MARK2: variants seen among roughly 807,000 people sequenced by gnomAD.
The protein encoded by MARK2 is microtubule affinity regulating kinase 2.
Under a neutral mutation model 89.8 loss-of-function variants are expected in MARK2, and 16 were observed. That is an observed-to-expected ratio of 0.18 (90% CI 0.12 to 0.27). The LOEUF (loss-of-function observed/expected upper bound fraction) is 0.27, where lower values mean the gene tolerates loss of function less well. MARK2 is among the 10% of genes least tolerant of loss of function. The pLI, the probability that MARK2 is intolerant of heterozygous loss-of-function variation, is 1.00. For synonymous variants in MARK2, 382 were observed against 399.5 expected, an observed-to-expected ratio of 0.96 and a Z score of 0.52; for missense variants, 621 against 1,049.9, an observed-to-expected ratio of 0.59 and a Z score of 5.65.
At chr11:63,862,650 C>T (rs1937871583) in intron 1 of MARK2, among the ~76,000 whole-genome samples, 2 of 152,168 alleles carry the variant, frequency 1.3e-5, no homozygotes, top group South Asian at 4.1e-4. Context: ...TCTTTAACCC[C>T]AGCTTCTGAT....
In MARK2 at chr11:63,909,258, C is replaced by T. The variant is rs372628143; in HGVS notation, c.*21C>T. 9.0e-6 allele frequency: 14 copies of T among 1,557,054 alleles called. No homozygotes were observed. The highest frequency in any genetic ancestry group is 1.2e-5 in the South Asian group (1 of 85,666). Reference sequence around the variant, plus strand: ...TTTAACAGGCTGCCAGGAGCGGGGGCGGCGGGGGCGGGCCAGCTGGACGGG... The same window carrying T: ...TTTAACAGGCTGCCAGGAGCGGGGGTGGCGGGGGCGGGCCAGCTGGACGGG... On this transcript the variant is annotated 3_prime_UTR_variant, in exon 19 of 19. Coordinates refer to ENST00000402010, the MANE Select transcript of MARK2 (RefSeq NM_001039469.3).
At position 63,909,354 on chromosome 11, in the gene MARK2, C is replaced by G. The variant is rs1941602488; in HGVS notation, c.*117C>G. 1 of 1,090,304 alleles carries G rather than the reference C, an allele frequency of 9.2e-7. No homozygotes were observed. Among genetic ancestry groups the G allele is most frequent in the Admixed American group, 3.2e-5 (1 of 31,316 alleles). The allele number at this position is 1,090,304 out of a possible 1,614,324, so 67.5% of individuals were successfully genotyped here. On this transcript the variant is annotated 3_prime_UTR_variant, in exon 19 of 19. Coordinates refer to ENST00000402010, the MANE Select transcript of MARK2 (RefSeq NM_001039469.3). The stretch of plus-strand genomic sequence containing the variant: ...GATTGGTGTGTCTCCCCTGCTGGCA[C>G]TTCTCCCCTCCCTGGCCCTTCTCAG...
chr11:63,866,578 C>T (rs1938143135), intron 1 of MARK2, among the ~76,000 whole-genome samples: 1 of 152,188 alleles, frequency 6.6e-6, no homozygotes, highest in Non-Finnish European at 1.5e-5. Context: ...CCCAGTTTCA[C>T]ATTCAGAATG....
chr11:63,840,256 C>T (rs973423126), intron 1 of MARK2, among the ~76,000 whole-genome samples: 6 of 152,172 alleles, frequency 3.9e-5, no homozygotes, highest in Non-Finnish European at 5.9e-5. Flanking sequence ...TTGTCGCTTC[C>T]GTGTTTCCCC....
chr11:63,845,281 G>GTT (rs2016222866), intron 1 of MARK2, among the ~76,000 whole-genome samples: 1 of 152,124 alleles, frequency 6.6e-6, no homozygotes, highest in South Asian at 2.1e-4. Flanking sequence ...TTTTAGCCAT[G>GTT]GTGGGGCCGC....
intron 16 of MARK2, among the ~76,000 whole-genome samples, chr11:63,905,530 G>A (rs1157982491): frequency 1.3e-5 from 2 of 152,216 alleles, no homozygotes; most frequent in African/African-American, 4.8e-5. Context: ...TTCTGCCCGG[G>A]GGTTTTAGGG....
rs1349806207 is a variant in MARK2 at position 63,902,102 on chromosome 11, A to G, written c.1102-96A>G. ...GTCCGGTATGATCCTGGGGTGTTTG[A>G]GTGTTGGGAGAGGGCGGTATGTGTA... On this transcript the variant is annotated intron_variant, in intron 11 of 18. Coordinates refer to ENST00000402010, the MANE Select transcript of MARK2 (RefSeq NM_001039469.3). This position sits in a 1 kb window ranked among gnomAD's most constrained non-coding sequence, Gnocchi z 4.2. 2.2e-6 allele frequency: 3 copies of G among 1,359,536 alleles called. No homozygotes were observed. The highest frequency in any genetic ancestry group is 2.9e-5 in the African/African-American group (2 of 69,252). The allele number at this position is 1,359,536 out of a possible 1,614,324, so 84.2% of individuals were successfully genotyped here.
At chr11:63,877,252 A>G (rs1221321976) in intron 1 of MARK2, among the ~76,000 whole-genome samples, 2 of 151,556 alleles carry the variant, frequency 1.3e-5, no homozygotes, top group Non-Finnish European at 2.9e-5. Flanking sequence ...CTGGGACTAC[A>G]GGTGCCCACC....
intron 18 of MARK2, 122 bp from the exon 19 acceptor site, chr11:63,908,755 G>T: frequency 9.9e-7 from 1 of 1,008,430 alleles, no homozygotes; most frequent in South Asian, 2.4e-5. Flanking sequence ...CAGGGGCCAC[G>T]CCTGGCTGCT....
intron 1 of MARK2, among the ~76,000 whole-genome samples, chr11:63,843,053 G>T (rs1245072270): frequency 6.6e-6 from 1 of 151,934 alleles, no homozygotes; most frequent in Non-Finnish European, 1.5e-5. Flanking sequence ...TGGTTTTTGT[G>T]ACACCTGATT....
chr11:63,888,606 T>A, intron 1 of MARK2: 1 of 1,148,378 alleles, frequency 8.7e-7, no homozygotes, highest in Admixed American at 4.1e-5. Flanking sequence ...TGTGCTGTCC[T>A]GGAATTGCAC....
chr11:63,888,454 A>G (rs1410579352), intron 1 of MARK2: 2 of 889,508 alleles, frequency 2.2e-6, no homozygotes, highest in Non-Finnish European at 2.7e-6. Flanking sequence ...CCAGCAAAGC[A>G]CCTTGGGGAG....
At chr11:63,886,267 C>T (rs1266035467) in intron 1 of MARK2, among the ~76,000 whole-genome samples, 4 of 152,006 alleles carry the variant, frequency 2.6e-5, no homozygotes, top group African/African-American at 9.7e-5. Flanking sequence ...GCTGAGACTA[C>T]AGACCCATGG....
At chr11:63,842,217 CTTTTT>C (rs563980317) in intron 1 of MARK2, among the ~76,000 whole-genome samples, 1 of 133,060 alleles carries the variant, frequency 7.5e-6, no homozygotes, top group African/African-American at 2.8e-5. Flanking sequence ...TTCCTGTATT[CTTTTT>C]TTTTTTTTTT....
rs1161476266 is a variant in MARK2, at chr11:63,859,778, C to T, written c.54+20218C>T. ...TCCCGAGTAGCTGGAACTACGGGTG[C>T]GTGCCACCATGCCCGGCTTATTTTT... On this transcript the variant is annotated intron_variant, in intron 1 of 18. Transcript: ENST00000402010. 3.3e-5 allele frequency among the ~76,000 whole-genome samples: 5 copies of T among 151,996 alleles called. No homozygotes were observed. The East Asian group carries it at 7.7e-4, about 23-fold the overall frequency.
chr11:63,873,565 T>C (rs1438884766), intron 1 of MARK2, among the ~76,000 whole-genome samples: 1 of 152,164 alleles, frequency 6.6e-6, no homozygotes, highest in Non-Finnish European at 1.5e-5. Flanking sequence ...GGAAACATCC[T>C]CTCGCTGCTA....
In MARK2 at chr11:63,902,417, G is replaced by A; in HGVS notation, c.1234+87G>A. Reference sequence around the variant, plus strand: ...GTGGGGACTTGGGTAACACAACTAAGTTTCAGTCCTGGTTCAGCCACTTAT... The same window carrying A: ...GTGGGGACTTGGGTAACACAACTAAATTTCAGTCCTGGTTCAGCCACTTAT... On this transcript the variant is annotated intron_variant, in intron 12 of 18. Transcript: ENST00000402010. The surrounding 1 kb of genome is among the most constrained non-coding windows in gnomAD (Gnocchi z 4.2). 1 of 1,560,910 alleles carries A rather than the reference G, an allele frequency of 6.4e-7. No individual in the cohort carries two copies. Among genetic ancestry groups the A allele is most frequent in the Non-Finnish European group, 8.8e-7 (1 of 1,136,352 alleles).
rs750713163 is a variant in MARK2 at position 63,902,290 on chromosome 11, C to T, written c.1194C>T (p.Ser398=). ...CCCCATCCCACAAGGTACAGCGCAG[C>T]GTGTCGGCCAATCCCAAGCAGCGGC... ...APSPSHKVQR[S]VSANPKQRRF... The change falls in exon 12 of 19, where the codon AGC becomes AGT. Residue 398 remains serine (S), a synonymous_variant. Transcript: ENST00000402010. This position sits in a 1 kb window ranked among gnomAD's most constrained non-coding sequence, Gnocchi z 4.2. 9 of 1,614,106 alleles carry T rather than the reference C, an allele frequency of 5.6e-6. No individual in the cohort carries two copies. Among genetic ancestry groups the T allele is most frequent in the South Asian group, 5.5e-5 (5 of 91,076 alleles).
intron 1 of MARK2, among the ~76,000 whole-genome samples, chr11:63,848,675 C>T (rs1021779356): frequency 1.3e-4 from 20 of 151,972 alleles, no homozygotes; most frequent in Non-Finnish European, 2.5e-4. Flanking sequence ...CTCAGCCTCC[C>T]GAGTAGCTGG....
Sources: allele counts gnomAD v4.1 joint callset (sites outside exome capture counted in the v4.1 genomes callset), GRCh38; gene constraint gnomAD v4.1.1; non-coding constraint Gnocchi (gnomAD v3.1); transcripts MANE v1.5; gene names NCBI Gene and HGNC (gene_info 2026-07-23, HGNC 2026-07-21).